USP36: variants seen among roughly 807,000 people sequenced by gnomAD.
USP36 encodes ubiquitin carboxyl-terminal hydrolase 36.
Under a neutral mutation model 111.5 loss-of-function variants are expected in USP36, and 59 were observed. That is an observed-to-expected ratio of 0.53 (90% CI 0.43 to 0.66). The LOEUF is 0.66. Among genes scored for constraint, USP36 ranks in the 30% least tolerant of loss-of-function variants. The pLI is 0.00. For missense variants in USP36, 1,488 were observed against 1,468.0 expected, an observed-to-expected ratio of 1.01 and a Z score of -0.22; for synonymous variants, 628 against 581.0, an observed-to-expected ratio of 1.08 and a Z score of -1.16.
rs368742664 is a variant in USP36 at position 78,821,034 on chromosome 17, G to A, written c.785C>T (p.Ser262Leu). Residue 262 changes from serine to leucine, a missense_variant, in exon 8 of 21, where the codon TCG becomes TTG. Physicochemically the swap from Ser to Leu is moderately radical, Grantham distance 145. Transcript: ENST00000449938. Reference sequence around the variant, plus strand: ...GTCCAAGTAGGGGTCGTAGGTGTCCGAGACGCTCTTGCACACGGAGCACTT... The same window carrying A: ...GTCCAAGTAGGGGTCGTAGGTGTCCAAGACGCTCTTGCACACGGAGCACTT... ...RVKCSVCKSV[S>L]DTYDPYLDVA... 1.2e-5 allele frequency: 19 copies of A among 1,606,942 alleles called. No homozygotes were observed. The highest frequency in any genetic ancestry group is 4.0e-5 in the African/African-American group (3 of 74,794).
intron 4 of USP36, among the ~76,000 whole-genome samples, chr17:78,830,239 G>T (rs1422040488): frequency 6.6e-6 from 1 of 152,166 alleles, no homozygotes; most frequent in Non-Finnish European, 1.5e-5. Context: ...TGGCACTGTA[G>T]CTACATGTTT....
At chr17:78,822,213 G>A (rs1461666587) in intron 6 of USP36, among the ~76,000 whole-genome samples, 1 of 152,006 alleles carries the variant, frequency 6.6e-6, no homozygotes, top group Non-Finnish European at 1.5e-5. Context: ...CCTCCTCAGG[G>A]CCCCACTACC....
chr17:78,794,168 T>C (rs2093604852), downstream of USP36, among the ~76,000 whole-genome samples: 1 of 152,242 alleles, frequency 6.6e-6, no homozygotes, highest in Non-Finnish European at 1.5e-5. Flanking sequence ...CTCTTAGCTC[T>C]AGCCTTGGCC....
intron 11 of USP36, 130 bp downstream of exon 11, chr17:78,814,282 C>A: frequency 7.8e-7 from 1 of 1,278,052 alleles, no homozygotes; most frequent in South Asian, 1.5e-5. Context: ...GAGGCAACAA[C>A]GAGGACTTGA....
chr17:78,803,477 G>C lies in USP36; in HGVS notation c.2718C>G (p.Asp906Glu). Residue 906 changes from aspartate (D) to glutamate (E), a missense_variant, in exon 16 of 21, where the codon GAC becomes GAG. Physicochemically the swap from Asp to Glu is conservative, Grantham distance 45. Transcript: ENST00000449938. This position sits in a 1 kb window ranked among gnomAD's most constrained non-coding sequence, Gnocchi z 4.6. Reference sequence around the variant, plus strand: ...GCTTCCTGCTGCTCGCGTGGTGGCCGTCCGTAACACATCCCACCTGCTGGC... The same window carrying C: ...GCTTCCTGCTGCTCGCGTGGTGGCCCTCCGTAACACATCCCACCTGCTGGC... Reference protein sequence around the residue: ...VNGQQVGCVTDGHHASSRKRR... With the variant: ...VNGQQVGCVTEGHHASSRKRR... The C allele has an allele frequency of 4.3e-6, 7 of 1,613,974 alleles. No homozygotes were observed. Among genetic ancestry groups the C allele is most frequent in the Non-Finnish European group, 5.9e-6 (7 of 1,180,014 alleles).
rs1459583221 is a variant in USP36 at position 78,821,027 on chromosome 17, G to A, written c.792C>T (p.Thr264=). The change falls in exon 8 of 21, where the codon ACC becomes ACT. Residue 264 remains threonine (T), a synonymous_variant. Coordinates refer to ENST00000449938, the MANE Select transcript of USP36 (RefSeq NM_001385174.1). ...KCSVCKSVSD[T]YDPYLDVALE... is the part of the protein sequence containing the mutation. ...GCGCGACGTCCAAGTAGGGGTCGTAGGTGTCCGAGACGCTCTTGCACACGG... is the reference window on the plus strand; with the variant it reads ...GCGCGACGTCCAAGTAGGGGTCGTAAGTGTCCGAGACGCTCTTGCACACGG... 3 of 1,608,344 alleles carry A rather than the reference G, an allele frequency of 1.9e-6. No individual in the cohort carries two copies. Among genetic ancestry groups the A allele is most frequent in the East Asian group, 2.2e-5 (1 of 44,680 alleles).
At chr17:78,836,702 G>A (rs2068706904) in intron 2 of USP36, among the ~76,000 whole-genome samples, 1 of 152,094 alleles carries the variant, frequency 6.6e-6, no homozygotes. Context: ...ATCATTCTTG[G>A]TGCCATTTCC....
At chr17:78,789,888 A>C (rs949851046) in intron 3 of USP36, among the ~76,000 whole-genome samples, 1 of 152,218 alleles carries the variant, frequency 6.6e-6, no homozygotes, top group Non-Finnish European at 1.5e-5. Context: ...GAATTAGTGC[A>C]GTGTGGACTG....
Position 78,799,835 on chromosome 17 carries a change from C to T in USP36, c.3023-67G>A. On this transcript the variant is annotated intron_variant, in intron 17 of 20. Transcript: ENST00000449938. ...ATAACCCACTGGGGAAGCAATCGCACACCTTAAATTATAAAACAACTTACA... is the reference window on the plus strand; with the variant it reads ...ATAACCCACTGGGGAAGCAATCGCATACCTTAAATTATAAAACAACTTACA... 3 of 978,748 alleles carry T rather than the reference C, an allele frequency of 3.1e-6. 1 individual carries two copies. The highest frequency in any genetic ancestry group is 1.6e-5 in the South Asian group (1 of 64,056). The allele number at this position is 978,748 out of a possible 1,614,324, so 60.6% of individuals were successfully genotyped here. A position where few individuals can be genotyped will look rare whatever the true frequency, so the allele number is the denominator to read the frequency against.
At chr17:78,837,767 C>G (rs1230257966) in intron 2 of USP36, among the ~76,000 whole-genome samples, 1 of 152,182 alleles carries the variant, frequency 6.6e-6, no homozygotes, top group African/African-American at 2.4e-5. Flanking sequence ...ATTCAGTACC[C>G]AGCCTGCCCT....
chr17:78,837,614 T>C (rs977643482), intron 2 of USP36, among the ~76,000 whole-genome samples: 1 of 152,142 alleles, frequency 6.6e-6, no homozygotes, highest in Non-Finnish European at 1.5e-5. Flanking sequence ...ATCGCTACCT[T>C]TGTATCCACC....
rs59230404 is a variant in USP36, at chr17:78,828,869, A to G, written c.586+28T>C. On this transcript the variant is annotated intron_variant, in intron 5 of 20. Transcript: ENST00000449938. ...AAAAATTAAAAAATAAATAAATCAC[A>G]AAAATTTTAACATGGATTGATGCTT... 0.011 allele frequency: 17,636 copies of G among 1,606,172 alleles called. 1,525 individuals carry two copies. The African/African-American group carries it at 0.2, about 18-fold the overall frequency.
In USP36 at chr17:78,802,373, G is replaced by A. The variant is rs755036393; in HGVS notation, c.2973C>T (p.Ser991=). Residue 991 remains serine, a synonymous_variant, in exon 17 of 21, where the codon TCC becomes TCT. Coordinates refer to ENST00000449938, the MANE Select transcript of USP36 (RefSeq NM_001385174.1). The part of the protein sequence containing the change: ...AKPQDAVVPE[S]SSCAPSANGW... ...CATTCGCGGATGGTGCGCAGCTGCT[G>A]GACTCGGGGACAACAGCATCTTGGG... 2.5e-6 allele frequency: 4 copies of A among 1,605,656 alleles called. No individual in the cohort carries two copies. Among genetic ancestry groups the A allele is most frequent in the South Asian group, 2.2e-5 (2 of 89,850 alleles).
intron 10 of USP36, among the ~76,000 whole-genome samples, chr17:78,817,581 C>A (rs2094217544): frequency 6.6e-6 from 1 of 151,714 alleles, no homozygotes. Context: ...ATGGCAAAAC[C>A]CCATCTCTAC....
intron 1 of USP36, among the ~76,000 whole-genome samples, chr17:78,840,141 G>A (rs1367325799): frequency 6.6e-6 from 1 of 152,170 alleles, no homozygotes; most frequent in Non-Finnish European, 1.5e-5. Flanking sequence ...CCCCGAGCAT[G>A]GCTCCGTGGC....
At position 78,807,386 on chromosome 17, in the gene USP36, A is replaced by C. The variant is rs968635242; in HGVS notation, c.1658T>G (p.Leu553Arg). The C allele has an allele frequency of 1.1e-5, 18 of 1,614,068 alleles. No homozygotes were observed. The highest frequency in any genetic ancestry group is 1.5e-5 in the Non-Finnish European group (18 of 1,180,038). The change falls in exon 14 of 21, where the codon CTG becomes CGG. Residue 553 changes from leucine (L) to arginine (R), a missense_variant. Transcript: ENST00000449938. ...GCTATTCGAGTTGCTGGTCCCAGGC[A>C]GCCCCTGAGCAGTTCTGGGGGAAAA... ...QHFSPRTAQG[L>R]PGTSNSNSSR...
chr17:78,808,211 G>A (rs957234375), intron 13 of USP36, among the ~76,000 whole-genome samples: 2 of 152,054 alleles, frequency 1.3e-5, no homozygotes, highest in Non-Finnish European at 2.9e-5. Context: ...TTATCTTAAA[G>A]CTATTATCTC....
intron 3 of USP36, among the ~76,000 whole-genome samples, chr17:78,789,026 C>T (rs945323867): frequency 8.7e-5 from 10 of 114,784 alleles, no homozygotes; most frequent in African/African-American, 1.9e-4. Context: ...GGTGAAACTC[C>T]GTCTCTATTA....
At chr17:78,827,074 C>T (rs1481699371) in intron 6 of USP36, 171 bp downstream of exon 6, 2 of 756,240 alleles carry the variant, frequency 2.6e-6, no homozygotes, top group South Asian at 1.5e-5. Context: ...AAGGGCAATC[C>T]CCTATTTGGG....
Sources: allele counts gnomAD v4.1 joint callset (sites outside exome capture counted in the v4.1 genomes callset), GRCh38; gene constraint gnomAD v4.1.1; non-coding constraint Gnocchi (gnomAD v3.1); transcripts MANE v1.5; gene names NCBI Gene and HGNC (gene_info 2026-07-23, HGNC 2026-07-21).